Variants in NOTCH1 observed in about 807,000 individuals in gnomAD.
NOTCH1 encodes notch receptor 1, also known as neurogenic locus notch homolog protein 1.
NOTCH1 carries 37 observed loss-of-function variants against 254.8 expected under a neutral mutation model. The observed-to-expected ratio is 0.15, with a 90% CI of 0.11 to 0.19. NOTCH1 has a LOEUF of 0.19. Among genes scored for constraint, NOTCH1 ranks in the 10% least tolerant of loss-of-function variants. The pLI is 1.00. For missense variants in NOTCH1, 2,972 were observed against 3,708.6 expected (o/e 0.80, Z 5.16); for synonymous variants, 1,731 against 1,618.1 (o/e 1.07, Z -1.68).
At chr9:136,520,294 A>C (rs1843346257) in intron 4 of NOTCH1, among the ~76,000 whole-genome samples, 1 of 151,050 alleles carries the variant, frequency 6.6e-6, no homozygotes, top group Admixed American at 6.6e-5. Flanking sequence ...TTGCCCTTGG[A>C]GCTCCCACCT....
rs559303151 is a variant in NOTCH1 at position 136,512,505 on chromosome 9, C to A, written c.2467+516G>T. On this transcript the variant is annotated intron_variant, in intron 15 of 33. Transcript: ENST00000651671. Reference sequence around the variant, plus strand: ...ACAGTTGGGGGAACATCCCCCTCCCCGCTCAGCCCAAACAGAGGGCTCCTT... The same window carrying A: ...ACAGTTGGGGGAACATCCCCCTCCCAGCTCAGCCCAAACAGAGGGCTCCTT... Among the ~76,000 whole-genome samples the A allele has an allele frequency of 3.5e-4, 53 of 152,310 alleles. No homozygotes were observed. The East Asian group carries it at 3.7e-3, about 11-fold the overall frequency.
rs1208190497 is a variant in NOTCH1 at position 136,506,497 on chromosome 9, G to A, written c.4014+30C>T. 2 of 1,548,544 alleles carry A rather than the reference G, an allele frequency of 1.3e-6. No individual in the cohort carries two copies. The highest frequency in any genetic ancestry group is 1.7e-6 in the Non-Finnish European group (2 of 1,145,852). ...CCTCTCCAGGTGTCTCCCCTGGCGG[G>A]CCCCTGCCTCCCTGCACCCCTGCAC... On this transcript the variant is annotated intron_variant, in intron 24 of 33. Coordinates refer to ENST00000651671, the MANE Select transcript of NOTCH1 (RefSeq NM_017617.5). The surrounding 1 kb of genome is among the most constrained non-coding windows in gnomAD (Gnocchi z 4.5).
Position 136,523,993 on chromosome 9 carries a change from T to C in NOTCH1, c.141-14A>G, listed in dbSNP as rs962019276. On this transcript the variant is annotated splice_polypyrimidine_tract_variant and intron_variant, in intron 2 of 33. Transcript: ENST00000651671. ...GCCCCGCCACAGCTGTTGGCAGATG[T>C]GCCAGGGCAGTTAGTTCCCACCTGC... 3.9e-6 allele frequency: 6 copies of C among 1,545,614 alleles called. No homozygotes were observed. The highest frequency in any genetic ancestry group is 4.4e-6 in the Non-Finnish European group (5 of 1,147,364).
chr9:136,523,677 C>T (rs1843412586), intron 3 of NOTCH1, 40 bp downstream of exon 3: 1 of 1,571,726 alleles, frequency 6.4e-7, no homozygotes, highest in Non-Finnish European at 8.6e-7. Context: ...GGCGGCGGGC[C>T]TGGGTCTGCC....
Position 136,506,524 on chromosome 9 carries a change from T to C in NOTCH1, c.4014+3A>G, listed in dbSNP as rs1564191696. On this transcript the variant is annotated splice_donor_region_variant and intron_variant, in intron 24 of 33. Coordinates refer to ENST00000651671, the MANE Select transcript of NOTCH1 (RefSeq NM_017617.5). The surrounding 1 kb of genome is among the most constrained non-coding windows in gnomAD (Gnocchi z 4.5). Reference sequence around the variant, plus strand: ...CCCTGCCTCCCTGCACCCCTGCACCTACCGCAGGGCACTTGCAGATGAACC... The same window carrying C: ...CCCTGCCTCCCTGCACCCCTGCACCCACCGCAGGGCACTTGCAGATGAACC... 2 of 1,589,188 alleles carry C rather than the reference T, an allele frequency of 1.3e-6. No homozygotes were observed. Among genetic ancestry groups the C allele is most frequent in the Middle Eastern group, 2.2e-4 (1 of 4,602 alleles).
chr9:136,515,896 G>T, intron 10 of NOTCH1, 85 bp downstream of exon 10: 2 of 1,254,144 alleles, frequency 1.6e-6, no homozygotes, highest in Admixed American at 3.9e-5. Flanking sequence ...CCCAGACCAA[G>T]GTGTCCATGA....
intron 30 of NOTCH1, among the ~76,000 whole-genome samples, chr9:136,501,544 C>T (rs1842995456): frequency 6.6e-6 from 1 of 151,982 alleles, no homozygotes. Flanking sequence ...CCTGCGGTAT[C>T]ACCCCAGGAA....
intron 26 of NOTCH1, 22 bp from the exon 27 acceptor site, chr9:136,503,352 G>A (rs775589025): frequency 1.6e-5 from 25 of 1,612,210 alleles, no homozygotes; most frequent in Admixed American, 1.2e-4. Context: ...ATCAGAGAGG[G>A]GCTGGGACCC....
At chr9:136,539,355 G>A (rs577539625) in intron 2 of NOTCH1, among the ~76,000 whole-genome samples, 159 of 152,308 alleles carry the variant, frequency 1.0e-3, no homozygotes, top group Non-Finnish European at 6.2e-4. Flanking sequence ...GAGTAGGTGA[G>A]ACTTTCTATT....
At position 136,517,927 on chromosome 9, in the gene NOTCH1, G is replaced by T. The variant is rs762533002; in HGVS notation, c.1266C>A (p.Pro422=). 4.3e-6 allele frequency: 7 copies of T among 1,610,916 alleles called. No individual in the cohort carries two copies. The highest frequency in any genetic ancestry group is 5.9e-6 in the Non-Finnish European group (7 of 1,179,892). Residue 422 remains proline (P), a synonymous_variant, in exon 8 of 34, where the codon CCC becomes CCA. Transcript: ENST00000651671. ...TGATGCACTTGCCCGCATGCTCGCA[G>T]GGGTTGGCACCTGGCGAGGGCACAC... is the stretch of plus-strand genomic sequence containing the variant. ...DVDECSLGAN[P]CEHAGKCINT...
chr9:136,499,874 C>T (rs1216319658), intron 31 of NOTCH1, among the ~76,000 whole-genome samples: 4 of 152,226 alleles, frequency 2.6e-5, no homozygotes, highest in Admixed American at 6.5e-5. Flanking sequence ...TCTTTCTGCT[C>T]ACCTACATTT....
At chr9:136,516,140 A>G (rs765650809) in intron 9 of NOTCH1, 46 bp from the exon 10 acceptor site, 4 of 1,405,042 alleles carry the variant, frequency 2.8e-6, no homozygotes, top group Admixed American at 1.7e-5. Flanking sequence ...CAACAGCACT[A>G]TGGCCCTTCA....
In NOTCH1 at chr9:136,505,470, C is replaced by T. The variant is rs776133530; in HGVS notation, c.4426G>A (p.Gly1476Ser). 38 of 1,612,740 alleles carry T rather than the reference C, an allele frequency of 2.4e-5. No homozygotes were observed. Among genetic ancestry groups the T allele is most frequent in the African/African-American group, 4.0e-5 (3 of 74,930 alleles). Residue 1476 changes from glycine to serine, a missense_variant, in exon 25 of 34, where the codon GGC becomes AGC. Physicochemically the swap from Gly to Ser is moderately conservative, Grantham distance 56. Coordinates refer to ENST00000651671, the MANE Select transcript of NOTCH1 (RefSeq NM_017617.5). The part of the protein sequence containing the change: ...QCNNHACGWD[G>S]GDCSLNFNDP... ...TTGAAGTTGAGGGAGCAGTCACCGC[C>T]GTCCCAGCCGCACGCGTGGTTGTTG...
intron 2 of NOTCH1, among the ~76,000 whole-genome samples, chr9:136,535,944 A>G (rs202238700): frequency 0.01 from 202 of 19,928 alleles, 1 homozygote; most frequent in South Asian, 0.068. Context: ...GTGGGTGGAG[A>G]GGGGAGCACT....
At position 136,545,602 on chromosome 9, in the gene NOTCH1, G is replaced by C. The variant is rs1843803790; in HGVS notation, c.61+124C>G. 1 of 734,484 alleles carries C rather than the reference G, an allele frequency of 1.4e-6. No individual in the cohort carries two copies. Among genetic ancestry groups the C allele is most frequent in the Non-Finnish European group, 2.0e-6 (1 of 495,874 alleles). 45.5% of individuals were successfully genotyped at this position (734,484 alleles called of 1,614,324 possible). On this transcript the variant is annotated intron_variant, in intron 1 of 33. Transcript: ENST00000651671. This position sits in a 1 kb window ranked among gnomAD's most constrained non-coding sequence, Gnocchi z 6.8. ...CAGAACCCCACGCCCCGGGCCGCCC[G>C]CTTTTCCCTCTCCATGCTGGCCTCC...
chr9:136,497,602 C>A (rs761248492), intron 33 of NOTCH1, 44 bp from the exon 34 acceptor site: 1 of 1,492,240 alleles, frequency 6.7e-7, no homozygotes. Context: ...CCAGGCCAGG[C>A]GTGGGGACCC....
intron 3 of NOTCH1, 96 bp downstream of exon 3, chr9:136,523,621 A>G (rs1589072429): frequency 6.8e-7 from 1 of 1,479,196 alleles, no homozygotes; most frequent in Admixed American, 2.0e-5. Context: ...CGGGTCAGAG[A>G]CCCGGGCCTG....
In NOTCH1 at chr9:136,506,694, C is replaced by A. The variant is rs1843091199; in HGVS notation, c.3901+22G>T. 6.3e-7 allele frequency: 1 copy of A among 1,596,018 alleles called. No homozygotes were observed. The highest frequency in any genetic ancestry group is 1.3e-5 in the African/African-American group (1 of 74,640). ...TCACCCTGCTGCCCCACACGCCCCACCCGCCTGGGCGCGGCACCCACCGGT... is the reference window on the plus strand; with the variant it reads ...TCACCCTGCTGCCCCACACGCCCCAACCGCCTGGGCGCGGCACCCACCGGT... On this transcript the variant is annotated intron_variant, in intron 23 of 33. Transcript: ENST00000651671. The surrounding 1 kb of genome is among the most constrained non-coding windows in gnomAD (Gnocchi z 4.5).
chr9:136,524,207 G>A (rs1843422998), intron 2 of NOTCH1, among the ~76,000 whole-genome samples: 1 of 152,254 alleles, frequency 6.6e-6, no homozygotes, highest in African/African-American at 2.4e-5. Flanking sequence ...GAATGAGGCT[G>A]AAGCAGGAGA....
Sources: allele counts gnomAD v4.1 joint callset (sites outside exome capture counted in the v4.1 genomes callset), GRCh38; gene constraint gnomAD v4.1.1; non-coding constraint Gnocchi (gnomAD v3.1); transcripts MANE v1.5; gene names NCBI Gene and HGNC (gene_info 2026-07-23, HGNC 2026-07-21).